The following SOX5 variants were observed in gnomAD, a reference collection of about 807,000 sequenced individuals.
SOX5 encodes the protein transcription factor SOX-5.
SOX5 carries 9 observed loss-of-function variants against 92.0 expected under a neutral mutation model. The ratio of observed to expected loss-of-function variants is 0.10; its 90% CI spans 0.06 to 0.17. The LOEUF (loss-of-function observed/expected upper bound fraction) is 0.17, where lower values mean the gene tolerates loss of function less well. SOX5 is among the 10% of genes least tolerant of loss of function. The pLI is 1.00. For synonymous variants in SOX5, 344 were observed against 336.3 expected (o/e 1.02, Z -0.25); for missense variants, 642 against 944.5 (o/e 0.68, Z 4.20).
chr12:23,561,828 AAAG>A (rs910988099), intron 11 of SOX5, among the ~76,000 whole-genome samples: 5 of 151,912 alleles, frequency 3.3e-5, no homozygotes, highest in South Asian at 4.2e-4. Context: ...AAAAAAAAAA[AAAG>A]GGTACAGATG....
intron 9 of SOX5, among the ~76,000 whole-genome samples, chr12:23,577,191 A>ATATAT (rs71059907): frequency 2.3e-4 from 14 of 61,404 alleles, no homozygotes; most frequent in East Asian, 1.6e-3. Flanking sequence ...ATATATATAT[A>ATATAT]TTTTTTTTTT....
chr12:24,420,707 T>C (rs1965776824), intron 1 of SOX5, among the ~76,000 whole-genome samples: 1 of 152,118 alleles, frequency 6.6e-6, no homozygotes, highest in Non-Finnish European at 1.5e-5. Flanking sequence ...GAAAACAAGA[T>C]GATATAATTA....
intron 1 of SOX5, among the ~76,000 whole-genome samples, chr12:24,456,326 T>C (rs1414411653): frequency 6.6e-6 from 1 of 152,186 alleles, no homozygotes; most frequent in Admixed American, 6.5e-5. Flanking sequence ...AACTTTTAAG[T>C]AAATGTCACC....
At chr12:24,107,614 TTCTC>T (rs778953641) in intron 4 of SOX5, among the ~76,000 whole-genome samples, 1 of 151,770 alleles carries the variant, frequency 6.6e-6, no homozygotes, top group Non-Finnish European at 1.5e-5. Flanking sequence ...GTGTGTTTTA[TTCTC>T]TCTAAGCTAA....
intron 6 of SOX5, among the ~76,000 whole-genome samples, chr12:23,685,084 T>C (rs908807361): frequency 2.6e-5 from 4 of 152,106 alleles, no homozygotes; most frequent in African/African-American, 7.2e-5. Context: ...TCACACTTCA[T>C]AGGTCTTGAA....
chr12:24,541,934 G>A (rs377028824), intron 1 of SOX5, among the ~76,000 whole-genome samples: 1 of 152,184 alleles, frequency 6.6e-6, no homozygotes, highest in Non-Finnish European at 1.5e-5. Flanking sequence ...AAACAGTACA[G>A]TGAATAGTTT....
intron 1 of SOX5, among the ~76,000 whole-genome samples, chr12:24,433,012 C>T (rs1393594346): frequency 1.3e-5 from 2 of 152,040 alleles, no homozygotes; most frequent in African/African-American, 4.8e-5. Context: ...TCTAAATCTA[C>T]AGTGATAATG....
intron 1 of SOX5, among the ~76,000 whole-genome samples, chr12:23,918,684 G>C (rs1423943043): frequency 3.3e-5 from 5 of 151,838 alleles, no homozygotes; most frequent in Non-Finnish European, 7.4e-5. Flanking sequence ...CCAGCACTTT[G>C]GGAGGCCCAG....
At chr12:23,891,108 G>A (rs2097126127) in intron 2 of SOX5, among the ~76,000 whole-genome samples, 2 of 152,166 alleles carry the variant, frequency 1.3e-5, no homozygotes, top group Non-Finnish European at 2.9e-5. Flanking sequence ...ATATGTATAT[G>A]TATATAGTGT....
At chr12:24,148,481 CAAAAAAA>C (rs34951170) in intron 4 of SOX5, among the ~76,000 whole-genome samples, 90 of 53,586 alleles carry the variant, frequency 1.7e-3, no homozygotes, top group African/African-American at 7.0e-3. Flanking sequence ...GGCTCCATGT[CAAAAAAA>C]AAAAAAAAAA....
At chr12:23,865,567 C>A (rs912644819) in intron 2 of SOX5, among the ~76,000 whole-genome samples, 3 of 151,764 alleles carry the variant, frequency 2.0e-5, no homozygotes, top group South Asian at 2.1e-4. Flanking sequence ...CCCAGCTACT[C>A]GGGAGGCTGA....
At position 24,151,349 on chromosome 12, in the gene SOX5, T is replaced by C. The variant is rs527319996; in HGVS notation, c.-2+61994A>G. ...ATGTACATAATGAATGTATATTTCATGAAAAAAAATTCTACACAGTCATTG... is the reference window on the plus strand; with the variant it reads ...ATGTACATAATGAATGTATATTTCACGAAAAAAAATTCTACACAGTCATTG... On this transcript the variant is annotated intron_variant, in intron 4 of 4. Coordinates refer to the SOX5 transcript ENST00000446891. Among the ~76,000 whole-genome samples the C allele has an allele frequency of 9.9e-5, 15 of 152,212 alleles. No homozygotes were observed. The South Asian group carries it at 2.1e-3, about 21-fold the overall frequency.
At chr12:23,566,697 AG>A (rs1947163743) in intron 10 of SOX5, among the ~76,000 whole-genome samples, 1 of 152,246 alleles carries the variant, frequency 6.6e-6, no homozygotes, top group Admixed American at 6.5e-5. Flanking sequence ...TCGGTTAAAT[AG>A]GGATAACACT....
chr12:24,287,869 C>T (rs1946096611), intron 2 of SOX5, among the ~76,000 whole-genome samples: 1 of 152,006 alleles, frequency 6.6e-6, no homozygotes, highest in African/African-American at 2.4e-5. Flanking sequence ...AACAATGCAG[C>T]AGGAAACAGG....
Position 24,316,528 on chromosome 12 carries a change from T to A in SOX5, c.-173-39216A>T, listed in dbSNP as rs574608218. ...CTCACTCATCAGAAGTGATTGGAAT[T>A]CTCTCTCTGGGCCTCTAACTTTTGG... On this transcript the variant is annotated intron_variant, in intron 2 of 4. Transcript: ENST00000446891. 3.9e-5 allele frequency among the ~76,000 whole-genome samples: 6 copies of A among 152,260 alleles called. No homozygotes were observed. In the East Asian group the frequency reaches 1.2e-3, roughly 29 times the overall value.
At chr12:23,695,633 C>T (rs756472887) in intron 6 of SOX5, among the ~76,000 whole-genome samples, 2 of 152,012 alleles carry the variant, frequency 1.3e-5, no homozygotes, top group African/African-American at 2.4e-5. Flanking sequence ...GATGATACAG[C>T]AACCATGCAT....
intron 3 of SOX5, among the ~76,000 whole-genome samples, chr12:23,816,880 C>T (rs2096006131): frequency 6.6e-6 from 1 of 152,182 alleles, no homozygotes; most frequent in South Asian, 2.1e-4. Context: ...GCCACTGAGG[C>T]TCTTTTTCCA....
chr12:23,645,766 T>C (rs1274296116), intron 7 of SOX5, among the ~76,000 whole-genome samples: 1 of 152,072 alleles, frequency 6.6e-6, no homozygotes, highest in Non-Finnish European at 1.5e-5. Flanking sequence ...CCTTTGGATA[T>C]GCATATATAT....
At chr12:24,016,987 C>G (rs1953705047) in intron 4 of SOX5, among the ~76,000 whole-genome samples, 1 of 152,108 alleles carries the variant, frequency 6.6e-6, no homozygotes. Flanking sequence ...CACTGAGTGA[C>G]TCAATGTAAT....
Sources: gnomAD v4.1 joint callset for allele counts (sites outside exome capture counted in the v4.1 genomes callset) on GRCh38, gnomAD v4.1.1 for gene constraint, MANE v1.5 for transcripts, NCBI Gene and HGNC (gene_info 2026-07-23, HGNC 2026-07-21) for gene names.